The following GRM7 variants were observed in gnomAD, a reference collection of about 807,000 sequenced individuals.
GRM7 encodes the protein metabotropic glutamate receptor 7.
In GRM7, 35 loss-of-function variants were observed where a neutral mutation model predicts 84.5. That is an observed-to-expected ratio of 0.41 (90% CI 0.32 to 0.55). The LOEUF is 0.55. GRM7 is among the 20% of genes least tolerant of loss of function. GRM7 has a pLI of 0.19. For missense variants in GRM7, 1,003 were observed against 1,194.6 expected (o/e 0.84, Z 2.36); for synonymous variants, 487 against 455.1 (o/e 1.07, Z -0.89).
intron 9 of GRM7, chr3:7,693,562 T>TTTCA: frequency 1.1e-6 from 1 of 938,560 alleles, no homozygotes; most frequent in East Asian, 2.6e-5. Flanking sequence ...TGTTTGCAAA[T>TTTCA]TTCATTTGCA....
intron 2 of GRM7, among the ~76,000 whole-genome samples, chr3:7,157,654 A>C (rs563443923): frequency 1.3e-5 from 2 of 152,162 alleles, no homozygotes; most frequent in African/African-American, 2.4e-5. Flanking sequence ...AGTTTTTTAC[A>C]GGATAAGAAT....
chr3:7,061,100 T>C (rs559545070), intron 1 of GRM7, among the ~76,000 whole-genome samples: 2 of 151,806 alleles, frequency 1.3e-5, no homozygotes, highest in Non-Finnish European at 2.9e-5. Flanking sequence ...AAGATTTATA[T>C]GTGGGCAGAC....
chr3:7,358,154 G>C (rs1693492545), intron 4 of GRM7, among the ~76,000 whole-genome samples: 2 of 152,148 alleles, frequency 1.3e-5, no homozygotes, highest in Non-Finnish European at 2.9e-5. Context: ...ATGTAGGGAT[G>C]CTATGTGGAG....
intron 1 of GRM7, among the ~76,000 whole-genome samples, chr3:6,888,430 A>C (rs1412235255): frequency 6.6e-6 from 1 of 152,170 alleles, no homozygotes; most frequent in Non-Finnish European, 1.5e-5. Flanking sequence ...GAAGGGATCC[A>C]GTTTCAGCTT....
chr3:7,022,936 T>TTCC (rs1695833817), intron 1 of GRM7, among the ~76,000 whole-genome samples: 1 of 152,138 alleles, frequency 6.6e-6, no homozygotes, highest in Admixed American at 6.5e-5. Context: ...TAACCCAGTG[T>TTCC]ATTATAGAAG....
At chr3:7,609,334 A>G (rs915657995) in intron 8 of GRM7, among the ~76,000 whole-genome samples, 1 of 152,096 alleles carries the variant, frequency 6.6e-6, no homozygotes, top group African/African-American at 2.4e-5. Context: ...AGTGGGGTCC[A>G]TAAATGAAAT....
intron 1 of GRM7, among the ~76,000 whole-genome samples, chr3:6,975,925 A>G (rs1575088465): frequency 6.6e-6 from 1 of 152,210 alleles, no homozygotes; most frequent in Admixed American, 6.5e-5. Context: ...TATTATGAAC[A>G]TGTGATCAGA....
chr3:7,569,420 G>T (rs1257050974), intron 7 of GRM7, among the ~76,000 whole-genome samples: 2 of 152,090 alleles, frequency 1.3e-5, no homozygotes, highest in Non-Finnish European at 2.9e-5. Context: ...GAACCTTTGT[G>T]TCTAGCTCAG....
chr3:7,576,794 G>A (rs555662279), intron 7 of GRM7, among the ~76,000 whole-genome samples: 2 of 152,284 alleles, frequency 1.3e-5, no homozygotes, highest in Non-Finnish European at 2.9e-5. Flanking sequence ...TTTGTGACTT[G>A]TGGATACTAA....
At chr3:7,572,238 C>G (rs1422767583) in intron 7 of GRM7, among the ~76,000 whole-genome samples, 4 of 152,150 alleles carry the variant, frequency 2.6e-5, no homozygotes, top group Non-Finnish European at 1.5e-5. Flanking sequence ...CAACTTTGTC[C>G]ACATACTGAA....
intron 4 of GRM7, among the ~76,000 whole-genome samples, chr3:7,336,054 A>G (rs371818775): frequency 1.2e-4 from 18 of 151,804 alleles, no homozygotes; most frequent in African/African-American, 4.1e-4. Flanking sequence ...CTATGAAACC[A>G]GTATCACCAT....
intron 2 of GRM7, among the ~76,000 whole-genome samples, chr3:7,225,974 G>C (rs1461597701): frequency 6.6e-6 from 1 of 152,068 alleles, no homozygotes; most frequent in Non-Finnish European, 1.5e-5. Context: ...ATGATTTTCT[G>C]TGAAATAAAG....
At chr3:7,460,846 CAGATAT>C (rs982486390) in intron 6 of GRM7, among the ~76,000 whole-genome samples, 177 of 152,296 alleles carry the variant, frequency 1.2e-3, no homozygotes, top group African/African-American at 3.9e-3. Flanking sequence ...CAGATAGATA[CAGATAT>C]AGATATAGGT....
At chr3:7,515,654 G>C (rs752081694) in intron 7 of GRM7, among the ~76,000 whole-genome samples, 4 of 152,112 alleles carry the variant, frequency 2.6e-5, no homozygotes, top group African/African-American at 7.2e-5. Context: ...CGCTATTAGG[G>C]TATAGCAAAG....
intron 8 of GRM7, among the ~76,000 whole-genome samples, chr3:7,640,601 C>G (rs1698322206): frequency 6.6e-6 from 1 of 152,126 alleles, no homozygotes; most frequent in Non-Finnish European, 1.5e-5. Flanking sequence ...AAAATATATT[C>G]CATTTTCTCT....
intron 9 of GRM7, among the ~76,000 whole-genome samples, chr3:7,684,590 A>C (rs1490707548): frequency 6.6e-6 from 1 of 152,214 alleles, no homozygotes; most frequent in African/African-American, 2.4e-5. Context: ...TTGCTTGCTG[A>C]CTTAATATGG....
intron 1 of GRM7, among the ~76,000 whole-genome samples, chr3:6,934,462 A>G (rs1301426435): frequency 6.6e-6 from 1 of 152,182 alleles, no homozygotes; most frequent in Non-Finnish European, 1.5e-5. Context: ...CCAACTAGAG[A>G]GTATATCATT....
chr3:6,897,799 G>A (rs1221585766), intron 1 of GRM7, among the ~76,000 whole-genome samples: 1 of 152,234 alleles, frequency 6.6e-6, no homozygotes, highest in Non-Finnish European at 1.5e-5. Context: ...TGAGCAGGAT[G>A]TAGGGAAACA....
chr3:6,979,633 A>G (rs1322205875), intron 1 of GRM7, among the ~76,000 whole-genome samples: 2 of 152,220 alleles, frequency 1.3e-5, no homozygotes, highest in African/African-American at 4.8e-5. Flanking sequence ...AATTTTTACA[A>G]GATTACAAAG....
Sources: gnomAD v4.1 joint callset for allele counts (sites outside exome capture counted in the v4.1 genomes callset) on GRCh38, gnomAD v4.1.1 for gene constraint, MANE v1.5 for transcripts, NCBI Gene and HGNC (gene_info 2026-07-23, HGNC 2026-07-21) for gene names.